The following SEMA6D variants were observed in gnomAD, a reference collection of about 807,000 sequenced individuals.
SEMA6D encodes the protein semaphorin 6D, also known as semaphorin-6D.
Under a neutral mutation model 106.6 loss-of-function variants are expected in SEMA6D, and 35 were observed. The observed-to-expected ratio is 0.33, with a 90% CI of 0.25 to 0.44. SEMA6D has a LOEUF of 0.44. Ranked by LOEUF, SEMA6D falls within the 20% of genes least tolerant of loss-of-function variation. SEMA6D has a pLI of 1.00. For synonymous variants in SEMA6D, 499 were observed against 487.7 expected (o/e 1.02, Z -0.31); for missense variants, 1,185 against 1,345.9 (o/e 0.88, Z 1.87).
chr15:47,479,940 T>C (rs192827482), intron 3 of SEMA6D, among the ~76,000 whole-genome samples: 12 of 149,632 alleles, frequency 8.0e-5, no homozygotes, highest in African/African-American at 3.0e-4. Flanking sequence ...GTAATCATAG[T>C]TCACCGCAGC....
intron 4 of SEMA6D, among the ~76,000 whole-genome samples, chr15:47,669,914 T>C (rs1394550559): frequency 6.6e-6 from 1 of 152,166 alleles, no homozygotes; most frequent in African/African-American, 2.4e-5. Context: ...TTCTAGGAAA[T>C]TGTGAGGTTT....
At chr15:47,541,731 C>T (rs188519874) in intron 3 of SEMA6D, among the ~76,000 whole-genome samples, 333 of 152,224 alleles carry the variant, frequency 2.2e-3, no homozygotes, top group African/African-American at 7.8e-3. Context: ...TAACTTATTT[C>T]AAGGGTGTTG....
intron 4 of SEMA6D, among the ~76,000 whole-genome samples, chr15:47,661,230 A>G (rs1279968640): frequency 2.0e-5 from 3 of 152,132 alleles, no homozygotes; most frequent in Admixed American, 1.3e-4. Context: ...GCTTGACTCT[A>G]TTTGGTTTTG....
chr15:47,617,298 G>A (rs1210017741), intron 4 of SEMA6D, among the ~76,000 whole-genome samples: 1 of 152,166 alleles, frequency 6.6e-6, no homozygotes, highest in East Asian at 1.9e-4. Context: ...ATCATAGTTA[G>A]TAGTTGATAA....
At chr15:47,292,423 TA>T (rs1333521330) in intron 1 of SEMA6D, among the ~76,000 whole-genome samples, 13 of 152,152 alleles carry the variant, frequency 8.5e-5, no homozygotes, top group South Asian at 2.1e-4. Flanking sequence ...GGCAAAGTTT[TA>T]AAAAAAATCA....
At chr15:47,316,090 G>GCCATTTAT (rs540977195) in intron 1 of SEMA6D, among the ~76,000 whole-genome samples, 480 of 33,370 alleles carry the variant, frequency 0.014, 7 homozygotes, top group African/African-American at 0.05. Context: ...CAATCAGTAT[G>GCCATTTAT]CCATTTATTT....
At chr15:47,332,054 T>G (rs547310582) in intron 1 of SEMA6D, among the ~76,000 whole-genome samples, 1 of 152,306 alleles carries the variant, frequency 6.6e-6, no homozygotes, top group South Asian at 2.1e-4. Context: ...TCTTCCAATG[T>G]GTTAGGGTTT....
chr15:47,358,973 T>G (rs530481129), intron 1 of SEMA6D, among the ~76,000 whole-genome samples: 6 of 152,278 alleles, frequency 3.9e-5, no homozygotes, highest in African/African-American at 1.4e-4. Flanking sequence ...CTTTTCACGC[T>G]CATACTGAGA....
intron 1 of SEMA6D, among the ~76,000 whole-genome samples, chr15:47,217,595 T>G (rs62013966): frequency 0.016 from 1,739 of 107,498 alleles, 36 homozygotes; most frequent in Admixed American, 0.016. Flanking sequence ...GTGTGTGTGT[T>G]TAATCCTCTG....
chr15:47,655,327 T>G (rs746853929), intron 4 of SEMA6D, among the ~76,000 whole-genome samples: 2 of 152,240 alleles, frequency 1.3e-5, no homozygotes, highest in African/African-American at 4.8e-5. Flanking sequence ...TGTGTATATT[T>G]TTAACTTCCC....
intron 2 of SEMA6D, among the ~76,000 whole-genome samples, chr15:47,444,010 C>T (rs1183902727): frequency 1.3e-5 from 2 of 152,128 alleles, no homozygotes; most frequent in Non-Finnish European, 2.9e-5. Flanking sequence ...GGGATGTGGT[C>T]AGAATCCTAA....
chr15:47,765,921 A>G lies in SEMA6D; in HGVS notation c.1480A>G (p.Lys494Glu). Residue 494 changes from lysine (K) to glutamate (E), a missense_variant, in exon 14 of 19, where the codon AAA becomes GAA. Lys to Glu is a moderately conservative substitution (Grantham distance 56, BLOSUM62 1). Transcript: ENST00000536845. ...DKKVISLQLD[K>E]DHHALYVAFS... ...AAAGGTCATCTCATTACAGTTGGAT[A>G]AAGATCACCACGCTTTATATGTGGC... is the stretch of plus-strand genomic sequence containing the variant. 1 of 1,566,216 alleles carries G rather than the reference A, an allele frequency of 6.4e-7. No homozygotes were observed. The highest frequency in any genetic ancestry group is 8.6e-7 in the Non-Finnish European group (1 of 1,158,276).
intron 1 of SEMA6D, chr15:47,730,820 CA>C: frequency 6.5e-7 from 1 of 1,543,872 alleles, no homozygotes. Context: ...TGTCCAATGC[CA>C]AAATTCTTAG....
At chr15:47,196,060 A>G (rs971428329) in intron 1 of SEMA6D, among the ~76,000 whole-genome samples, 1 of 151,462 alleles carries the variant, frequency 6.6e-6, no homozygotes, top group East Asian at 1.9e-4. Flanking sequence ...AACAGGGTTA[A>G]CCACCCAAGA....
At chr15:47,727,715 A>C (rs923145208) in intron 1 of SEMA6D, among the ~76,000 whole-genome samples, 1 of 148,638 alleles carries the variant, frequency 6.7e-6, no homozygotes, top group Non-Finnish European at 1.5e-5. Context: ...TATGAAAGAA[A>C]AAGGGCACTC....
chr15:47,471,929 T>A (rs55696801), intron 3 of SEMA6D, among the ~76,000 whole-genome samples: 1,494 of 105,870 alleles, frequency 0.014, 23 homozygotes, highest in African/African-American at 0.052. Flanking sequence ...TCTCTCTCTC[T>A]CTCACACACA....
chr15:47,766,230 G>A, intron 15 of SEMA6D, 48 bp downstream of exon 15: 1 of 1,511,354 alleles, frequency 6.6e-7, no homozygotes, highest in East Asian at 2.3e-5. Context: ...CCTCTCCAGG[G>A]TCTCTAAAGC....
chr15:47,324,484 A>G (rs1595733630), intron 1 of SEMA6D, among the ~76,000 whole-genome samples: 1 of 152,218 alleles, frequency 6.6e-6, no homozygotes, highest in South Asian at 2.1e-4. Context: ...GCGGACTTCA[A>G]CACTTCATAA....
At chr15:47,519,999 G>A (rs12441744) in intron 3 of SEMA6D, among the ~76,000 whole-genome samples, 13,977 of 152,134 alleles carry the variant, frequency 0.092, 931 homozygotes, top group East Asian at 0.32. Context: ...TCATGCAGCC[G>A]ATCATCCAAG....
Sources: allele counts gnomAD v4.1 joint callset (sites outside exome capture counted in the v4.1 genomes callset), GRCh38; gene constraint gnomAD v4.1.1; transcripts MANE v1.5; gene names NCBI Gene and HGNC (gene_info 2026-07-23, HGNC 2026-07-21).